The following CA6 variants were observed in gnomAD, a reference collection of about 807,000 sequenced individuals.
CA6 encodes the protein carbonate dehydratase VI.
A neutral mutation model predicts 35.9 loss-of-function variants in CA6; 28 were observed. That is an observed-to-expected ratio of 0.78 (90% CI 0.58 to 1.07). The LOEUF is 1.07. Among genes scored for constraint, CA6 ranks in the 50% least tolerant of loss-of-function variants. The probability of loss-of-function intolerance (pLI) is 0.00; values close to 1 mark genes in which losing one functional copy is unlikely to be tolerated. For missense variants in CA6, 377 were observed against 382.0 expected, an observed-to-expected ratio of 0.99 and a Z score of 0.11; for synonymous variants, 148 against 152.6, an observed-to-expected ratio of 0.97 and a Z score of 0.22.
chr1:8,951,472 A>C, intron 2 of CA6: 3 of 765,076 alleles, frequency 3.9e-6, no homozygotes, highest in African/African-American at 3.4e-5. Context: ...CTTGTGGAGA[A>C]GGGGCGAAGC....
chr1:8,955,051 A>C (rs1434421443), intron 2 of CA6, among the ~76,000 whole-genome samples: 2 of 61,482 alleles, frequency 3.3e-5, no homozygotes, highest in African/African-American at 9.0e-5. Flanking sequence ...TGATCCATTA[A>C]TATATATTGC....
Position 8,960,789 on chromosome 1 carries a change from C to CACACACACATAT in CA6, c.501+1788_501+1789insCACACACATATA, listed in dbSNP as rs59987426. Among the ~76,000 whole-genome samples the CACACACACATAT allele has an allele frequency of 2.5e-3, 289 of 116,896 alleles. 1 individual carries two copies. Among genetic ancestry groups the CACACACACATAT allele is most frequent in the African/African-American group, 9.4e-3 (282 of 29,964 alleles). 76.7% of individuals were successfully genotyped at this position (116,896 alleles called of 152,430 possible). ...ACACACACACACACACACACACACACATATATATAATGGGAGTCCCAGAAG... is the reference window on the plus strand; with the variant it reads ...ACACACACACACACACACACACACACACACACACATATATATATATAATGGGAGTCCCAGAAG... On this transcript the variant is annotated intron_variant, in intron 4 of 7. Transcript: ENST00000377443.
intron 7 of CA6, among the ~76,000 whole-genome samples, chr1:8,973,309 G>A (rs775438817): frequency 6.6e-6 from 1 of 152,170 alleles, no homozygotes; most frequent in Non-Finnish European, 1.5e-5. Flanking sequence ...GTGAGTCACT[G>A]TGCCCGGCCT....
chr1:8,949,376 G>A lies in CA6; in HGVS notation c.193G>A (p.Gly65Arg). The A allele has an allele frequency of 6.2e-7, 1 of 1,613,520 alleles. No individual in the cohort carries two copies. The highest frequency in any genetic ancestry group is 1.1e-5 in the South Asian group (1 of 90,994). ...TKVRYNPSLKGLNMTGYETQA... is the reference protein window; with the variant it reads ...TKVRYNPSLKRLNMTGYETQA... ...GGTGCGGTACAACCCCTCCTTGAAG[G>A]GGCTCAATATGACAGGCTATGAGAC... Residue 65 changes from glycine to arginine, a missense_variant, in exon 2 of 8, where the codon GGG becomes AGG. Physicochemically the swap from Gly to Arg is moderately radical, Grantham distance 125. Transcript: ENST00000377443.
chr1:8,970,768 T>G, intron 6 of CA6, 99 bp from the exon 7 acceptor site: 1 of 794,964 alleles, frequency 1.3e-6, no homozygotes, highest in Non-Finnish European at 2.2e-6. Flanking sequence ...CCCAAAATGC[T>G]GGGATTACAG....
chr1:8,951,466 T>C, intron 2 of CA6: 1 of 765,028 alleles, frequency 1.3e-6, no homozygotes, highest in East Asian at 2.4e-5. Context: ...CCTCTCCTTG[T>C]GGAGAAGGGG....
At chr1:8,957,071 C>T in intron 2 of CA6, 66 bp from the exon 3 acceptor site, 1 of 1,435,246 alleles carries the variant, frequency 7.0e-7, no homozygotes, top group Non-Finnish European at 9.3e-7. Flanking sequence ...GAGAAGCTAC[C>T]CAGCCTGTAG....
At chr1:8,951,199 A>G (rs535892221) in intron 2 of CA6, among the ~76,000 whole-genome samples, 32 of 151,190 alleles carry the variant, frequency 2.1e-4, no homozygotes, top group South Asian at 1.7e-3. Context: ...CTGGGCAACA[A>G]GAGCAAAACT....
At chr1:8,955,636 CT>C (rs1275200515) in intron 2 of CA6, among the ~76,000 whole-genome samples, 1 of 149,032 alleles carries the variant, frequency 6.7e-6, no homozygotes, top group East Asian at 2.1e-4. Context: ...TTTTAAGGCC[CT>C]TCCACGCCTC....
In CA6 at chr1:8,949,247, G is replaced by A. The variant is rs543117242; in HGVS notation, c.80-16G>A. On this transcript the variant is annotated splice_polypyrimidine_tract_variant and intron_variant, in intron 1 of 7. Coordinates refer to ENST00000377443, the MANE Select transcript of CA6 (RefSeq NM_001215.4). The stretch of plus-strand genomic sequence containing the variant: ...GCAGCCAGGCAGCCCCTTGAACTGT[G>A]TCTTTCCTGTCTTAGAAGGGGCACT... 5 of 1,578,454 alleles carry A rather than the reference G, an allele frequency of 3.2e-6. No individual in the cohort carries two copies. In the South Asian group the frequency reaches 5.8e-5, roughly 18 times the overall value.
In CA6 at chr1:8,970,855, C is replaced by A. The variant is rs374401225; in HGVS notation, c.730-12C>A. 2 of 1,542,174 alleles carry A rather than the reference C, an allele frequency of 1.3e-6. No homozygotes were observed. The highest frequency in any genetic ancestry group is 3.3e-5 in the Admixed American group (2 of 59,910). ...ACTCTTCCCCTCCATAATGCACTCA[C>A]GTTGCCCCCAGGTTTGGAAGCTGGA... is the stretch of plus-strand genomic sequence containing the variant. On this transcript the variant is annotated splice_polypyrimidine_tract_variant and intron_variant, in intron 6 of 7. Coordinates refer to ENST00000377443, the MANE Select transcript of CA6 (RefSeq NM_001215.4).
At chr1:8,956,477 T>C (rs1488602379) in intron 2 of CA6, among the ~76,000 whole-genome samples, 1 of 151,904 alleles carries the variant, frequency 6.6e-6, no homozygotes, top group Non-Finnish European at 1.5e-5. Context: ...GTAACCAATA[T>C]GGTGAAACAC....
At chr1:8,952,994 T>C (rs776505429) in intron 2 of CA6, among the ~76,000 whole-genome samples, 12 of 152,316 alleles carry the variant, frequency 7.9e-5, no homozygotes, top group Non-Finnish European at 1.6e-4. Flanking sequence ...TATCGAGCAA[T>C]CATTTCAGTG....
intron 6 of CA6, among the ~76,000 whole-genome samples, chr1:8,968,738 A>G (rs1569722152): frequency 6.6e-6 from 1 of 152,264 alleles, no homozygotes; most frequent in Non-Finnish European, 1.5e-5. Flanking sequence ...AATCCAGGCC[A>G]GTTGTGGTGT....
intron 2 of CA6, chr1:8,951,600 C>T (rs1639537298): frequency 1.3e-6 from 1 of 765,048 alleles, no homozygotes; most frequent in Admixed American, 1.7e-5. Flanking sequence ...GCTGAGGGCC[C>T]AGAAGAGGGA....
At chr1:8,973,769 T>C (rs546590875) in intron 7 of CA6, among the ~76,000 whole-genome samples, 1 of 35,670 alleles carries the variant, frequency 2.8e-5, no homozygotes, top group African/African-American at 2.1e-4. Context: ...TCTTTCTTTC[T>C]TTCTTTCTTT....
intron 7 of CA6, among the ~76,000 whole-genome samples, chr1:8,973,409 A>G (rs983727023): frequency 1.3e-5 from 2 of 152,216 alleles, no homozygotes; most frequent in Admixed American, 1.3e-4. Context: ...CAGACTGCGT[A>G]TCGTTCTATT....
intron 4 of CA6, among the ~76,000 whole-genome samples, chr1:8,960,948 C>A (rs1397777779): frequency 6.6e-6 from 1 of 151,934 alleles, no homozygotes; most frequent in Non-Finnish European, 1.5e-5. Context: ...TAAATAAACC[C>A]CAAGTCTAGA....
chr1:8,959,947 A>AAAAAAAAAAAAAAAAAAAAC (rs1639793700), intron 4 of CA6, among the ~76,000 whole-genome samples: 1 of 148,494 alleles, frequency 6.7e-6, no homozygotes, highest in African/African-American at 2.5e-5. Context: ...AAAAAAAAAA[A>AAAAAAAAAAAAAAAAAAAAC]AAAGCTGGGC....
Sources: allele counts gnomAD v4.1 joint callset (sites outside exome capture counted in the v4.1 genomes callset), GRCh38; gene constraint gnomAD v4.1.1; transcripts MANE v1.5; gene names NCBI Gene and HGNC (gene_info 2026-07-23, HGNC 2026-07-21).